GRIP1: variants seen among roughly 807,000 people sequenced by gnomAD.
The protein encoded by GRIP1 is glutamate receptor interacting protein 1.
Under a neutral mutation model 129.9 loss-of-function variants are expected in GRIP1, and 45 were observed. That is an observed-to-expected ratio of 0.35 (90% CI 0.27 to 0.44). GRIP1 has a LOEUF of 0.44. Among genes scored for constraint, GRIP1 ranks in the 20% least tolerant of loss-of-function variants. The pLI, the probability that GRIP1 is intolerant of heterozygous loss-of-function variation, is 1.00. For synonymous variants in GRIP1, 530 were observed against 520.8 expected, an observed-to-expected ratio of 1.02 and a Z score of -0.24; for missense variants, 1,196 against 1,396.8, an observed-to-expected ratio of 0.86 and a Z score of 2.29.
intron 1 of GRIP1, among the ~76,000 whole-genome samples, chr12:66,694,290 GC>G (rs1185478494): frequency 5.9e-5 from 9 of 152,202 alleles, no homozygotes; most frequent in African/African-American, 1.9e-4. Flanking sequence ...GCAGAGAGTG[GC>G]CATTATGAGC....
intron 1 of GRIP1, among the ~76,000 whole-genome samples, chr12:66,641,670 T>A (rs1167636409): frequency 6.6e-6 from 1 of 152,212 alleles, no homozygotes; most frequent in East Asian, 1.9e-4. Flanking sequence ...AAATGTTATT[T>A]CTTTGAGTTA....
intron 1 of GRIP1, among the ~76,000 whole-genome samples, chr12:66,998,717 C>A (rs2042506016): frequency 6.6e-6 from 1 of 152,144 alleles, no homozygotes; most frequent in Non-Finnish European, 1.5e-5. Context: ...TCTGTCTTCT[C>A]TCCTTACAAG....
At chr12:66,996,794 A>C (rs900630284) in intron 1 of GRIP1, among the ~76,000 whole-genome samples, 3 of 152,146 alleles carry the variant, frequency 2.0e-5, no homozygotes, top group Non-Finnish European at 2.9e-5. Flanking sequence ...CCTTTCACTT[A>C]TTCACATGAA....
chr12:66,678,770 T>C, intron 1 of GRIP1, 80 bp downstream of exon 1: 1 of 1,328,404 alleles, frequency 7.5e-7, no homozygotes, highest in South Asian at 1.2e-5. Flanking sequence ...GCAGTCATAT[T>C]TGAAAGTAAA....
chr12:66,691,259 A>G (rs2034974020), intron 1 of GRIP1, among the ~76,000 whole-genome samples: 2 of 152,164 alleles, frequency 1.3e-5, no homozygotes, highest in Non-Finnish European at 2.9e-5. Flanking sequence ...AGTCATTTGT[A>G]TCTGTGGTCC....
At chr12:66,746,721 T>G (rs1282809438) in intron 1 of GRIP1, among the ~76,000 whole-genome samples, 1 of 152,204 alleles carries the variant, frequency 6.6e-6, no homozygotes, top group Non-Finnish European at 1.5e-5. Context: ...AAGAATATGA[T>G]TATCTCATTA....
intron 14 of GRIP1, among the ~76,000 whole-genome samples, chr12:66,421,907 A>C (rs940146504): frequency 3.3e-5 from 5 of 151,856 alleles, no homozygotes; most frequent in African/African-American, 1.2e-4. Context: ...TATAAATACA[A>C]AAAAAAATCT....
intron 23 of GRIP1, among the ~76,000 whole-genome samples, chr12:66,356,471 T>C (rs1025391573): frequency 6.6e-6 from 1 of 152,194 alleles, no homozygotes; most frequent in Admixed American, 6.5e-5. Flanking sequence ...ATTATGTTTT[T>C]GCCTTAGGCC....
At chr12:66,639,251 G>GT (rs1471478741) in intron 1 of GRIP1, among the ~76,000 whole-genome samples, 2 of 152,128 alleles carry the variant, frequency 1.3e-5, no homozygotes, top group Non-Finnish European at 2.9e-5. Flanking sequence ...GAAGTGCCAT[G>GT]TAGGGTGGGA....
At chr12:66,498,255 G>A (rs2138742618) in intron 7 of GRIP1, among the ~76,000 whole-genome samples, 1 of 152,178 alleles carries the variant, frequency 6.6e-6, no homozygotes, top group Non-Finnish European at 1.5e-5. Flanking sequence ...TCAGTGGAGT[G>A]GGACAAATAA....
intron 1 of GRIP1, among the ~76,000 whole-genome samples, chr12:66,762,004 A>G (rs1011252721): frequency 1.3e-5 from 2 of 152,178 alleles, no homozygotes; most frequent in South Asian, 4.1e-4. Flanking sequence ...AAATGAGGAT[A>G]GTTACATTTC....
intron 1 of GRIP1, among the ~76,000 whole-genome samples, chr12:66,836,029 T>C (rs2039607286): frequency 6.6e-6 from 1 of 152,198 alleles, no homozygotes; most frequent in Admixed American, 6.5e-5. Flanking sequence ...AACCTAAAAC[T>C]GGTCTAAAAA....
chr12:66,776,615 A>T (rs1340200406), intron 1 of GRIP1, among the ~76,000 whole-genome samples: 1 of 152,212 alleles, frequency 6.6e-6, no homozygotes, highest in Non-Finnish European at 1.5e-5. Flanking sequence ...TGCACAAGTA[A>T]ATACAGAGCA....
intron 9 of GRIP1, among the ~76,000 whole-genome samples, 154 bp downstream of exon 9, chr12:66,462,770 C>G (rs982484981): frequency 4.2e-5 from 6 of 144,212 alleles, no homozygotes; most frequent in African/African-American, 1.6e-4. Flanking sequence ...CTACTGCATT[C>G]CAGTCTGGGG....
intron 11 of GRIP1, among the ~76,000 whole-genome samples, chr12:66,451,700 G>A (rs1213540831): frequency 1.3e-5 from 2 of 152,034 alleles, no homozygotes; most frequent in African/African-American, 2.4e-5. Flanking sequence ...TATTGATCCT[G>A]TAATCTAAGA....
At chr12:66,816,062 A>G (rs974074042) in intron 1 of GRIP1, among the ~76,000 whole-genome samples, 2 of 152,070 alleles carry the variant, frequency 1.3e-5, no homozygotes, top group African/African-American at 4.8e-5. Flanking sequence ...GGAAGAGAAA[A>G]AATAGTAAAT....
chr12:66,375,250 C>T (rs1378421809), intron 22 of GRIP1, among the ~76,000 whole-genome samples: 1 of 152,120 alleles, frequency 6.6e-6, no homozygotes, highest in African/African-American at 2.4e-5. Flanking sequence ...ATTCAAATTT[C>T]TCTCCTTTGT....
At chr12:66,890,224 C>T (rs1048618330) in intron 1 of GRIP1, among the ~76,000 whole-genome samples, 4 of 152,132 alleles carry the variant, frequency 2.6e-5, no homozygotes, top group East Asian at 1.9e-4. Flanking sequence ...CCACCACACC[C>T]GGCCAGCTCA....
intron 1 of GRIP1, among the ~76,000 whole-genome samples, chr12:66,847,154 G>A (rs1311565013): frequency 3.3e-5 from 5 of 152,214 alleles, no homozygotes; most frequent in African/African-American, 1.2e-4. Flanking sequence ...CAAGCCATCT[G>A]AACCTGCACT....
Sources: allele counts gnomAD v4.1 joint callset (sites outside exome capture counted in the v4.1 genomes callset), GRCh38; gene constraint gnomAD v4.1.1; transcripts MANE v1.5; gene names NCBI Gene and HGNC (gene_info 2026-07-23, HGNC 2026-07-21).